The following TST variants were observed in gnomAD, a reference collection of about 807,000 sequenced individuals.
TST encodes the protein epididymis secretory sperm binding protein.
A neutral mutation model predicts 20.4 loss-of-function variants in TST; 22 were observed. The ratio of observed to expected loss-of-function variants is 1.08; its 90% CI spans 0.77 to 1.54. The LOEUF (loss-of-function observed/expected upper bound fraction) is 1.54, where lower values mean the gene tolerates loss of function less well. Ranked by LOEUF, TST falls within the 40% of genes most tolerant of loss-of-function variation. The probability of loss-of-function intolerance (pLI) is 0.00; values close to 1 mark genes in which losing one functional copy is unlikely to be tolerated. For missense variants in TST, 392 were observed against 405.2 expected, an observed-to-expected ratio of 0.97 and a Z score of 0.28; for synonymous variants, 187 against 173.8, an observed-to-expected ratio of 1.08 and a Z score of -0.60.
intron 2 of TST, among the ~76,000 whole-genome samples, chr22:37,011,857 T>G (rs1255157843): frequency 6.6e-6 from 1 of 152,202 alleles, no homozygotes; most frequent in Non-Finnish European, 1.5e-5. Context: ...TGTCCCCATT[T>G]TACAGATGAA....
chr22:37,019,940 C>A, upstream of TST: 2 of 761,528 alleles, frequency 2.6e-6, no homozygotes, highest in Non-Finnish European at 3.6e-6. Flanking sequence ...GGGTGCTCGG[C>A]GCGGGGCTCC....
intron 2 of TST, among the ~76,000 whole-genome samples, chr22:37,015,299 C>T (rs1922637111): frequency 1.3e-5 from 2 of 152,138 alleles, no homozygotes; most frequent in South Asian, 4.2e-4. Flanking sequence ...ATTAGCGGGT[C>T]GATACCCTCC....
chr22:37,014,098 T>C (rs1555936631), intron 2 of TST, among the ~76,000 whole-genome samples: 1 of 152,146 alleles, frequency 6.6e-6, no homozygotes, highest in East Asian at 1.9e-4. Context: ...GCGCGGTGGC[T>C]ACGCCTGTAA....
Position 37,018,598 on chromosome 22 carries a change from G to A in TST, c.135C>T (p.Arg45=), listed in dbSNP as rs1244535874. 1.5e-5 allele frequency: 24 copies of A among 1,564,730 alleles called. No homozygotes were observed. The highest frequency in any genetic ancestry group is 2.1e-5 in the Non-Finnish European group (24 of 1,155,102). Residue 45 remains arginine, a synonymous_variant, in exon 2 of 3, where the codon CGC becomes CGT. Coordinates refer to ENST00000249042, the MANE Select transcript of TST (RefSeq NM_003312.6). ...GTACGTGGCGCTCGAGGTACTCCTT[G>A]CGGGCCTCTCGGGTGCCTGGTGAGT... The part of the protein sequence containing the change: ...SWYSPGTREA[R]KEYLERHVPG...
chr22:37,018,718 C>T lies in TST; in HGVS notation c.15G>A (p.Val5=), dbSNP rs2044496857. The part of the protein sequence containing the change: MVHQ[V]LYRALVSTKW... ...TGGTGGAGACCAGCGCCCGGTAGAGCACCTGATGAACCATGGCTTCAGCTC... is the reference window on the plus strand; with the variant it reads ...TGGTGGAGACCAGCGCCCGGTAGAGTACCTGATGAACCATGGCTTCAGCTC... Residue 5 remains valine, a synonymous_variant, in exon 2 of 3, where the codon GTG becomes GTA. Transcript: ENST00000249042. The T allele has an allele frequency of 6.7e-7, 1 of 1,502,538 alleles. No homozygotes were observed. The highest frequency in any genetic ancestry group is 1.4e-5 in the African/African-American group (1 of 71,974). The allele number at this position is 1,502,538 out of a possible 1,614,324, so 93.1% of individuals were successfully genotyped here. A position where few individuals can be genotyped will look rare whatever the true frequency, so the allele number is the denominator to read the frequency against.
intron 2 of TST, among the ~76,000 whole-genome samples, chr22:37,017,867 G>A (rs1922743235): frequency 1.3e-5 from 2 of 152,164 alleles, no homozygotes; most frequent in Non-Finnish European, 2.9e-5. Flanking sequence ...TGGAGGTGGT[G>A]GACATGTCAC....
Position 37,018,153 on chromosome 22 carries a change from C to G in TST, c.580G>C (p.Glu194Gln). ...GGACACCTACCTACTGCATCCGGCT[C>G]CGGCTCGGTGCCCAGGAACCGCCCT... ...SQGRFLGTEP[E>Q]PDAVGLDSGH... The change falls in exon 2 of 3, where the codon GAG becomes CAG. Residue 194 changes from glutamate (E) to glutamine (Q), a missense_variant. Coordinates refer to ENST00000249042, the MANE Select transcript of TST (RefSeq NM_003312.6). 6.4e-7 allele frequency: 1 copy of G among 1,558,258 alleles called. No individual in the cohort carries two copies. The highest frequency in any genetic ancestry group is 8.7e-7 in the Non-Finnish European group (1 of 1,150,126).
chr22:37,015,091 T>C (rs1341604384), intron 2 of TST, among the ~76,000 whole-genome samples: 1 of 152,116 alleles, frequency 6.6e-6, no homozygotes, highest in African/African-American at 2.4e-5. Flanking sequence ...AGCAGTAGCC[T>C]TGGGAAACAG....
chr22:37,015,935 CTTTTTTTTTTTTTTT>C lies in TST; in HGVS notation c.595+2188_595+2202del, dbSNP rs1000783141. On this transcript the variant is annotated intron_variant, in intron 2 of 2. Transcript: ENST00000249042. ...TGAAATCCCTTTCCAGCCACTGCTACTTTTTTTTTTTTTTTTTTTTTTTTTTGAGACAGAGTCTTG... is the reference window on the plus strand; with the variant it reads ...TGAAATCCCTTTCCAGCCACTGCTACTTTTTTTTTTTGAGACAGAGTCTTG... Among the ~76,000 whole-genome samples the C allele has an allele frequency of 1.9e-4, 14 of 73,868 alleles. No homozygotes were observed. In the South Asian group the frequency reaches 4.0e-3, roughly 21 times the overall value. The allele number at this position is 73,868 out of a possible 152,430, so 48.5% of individuals were successfully genotyped here.
upstream of TST, chr22:37,019,483 G>A (rs1922879335): frequency 7.0e-6 from 1 of 142,102 alleles, no homozygotes; most frequent in Non-Finnish European, 1.5e-5. Flanking sequence ...CTCCCCAGGC[G>A]GCGCGCACCA....
intron 2 of TST, among the ~76,000 whole-genome samples, chr22:37,016,174 C>G (rs981581559): frequency 2.0e-5 from 3 of 151,728 alleles, no homozygotes; most frequent in Non-Finnish European, 4.4e-5. Context: ...CTCGAACTCC[C>G]GAGCTCATGA....
At position 37,011,117 on chromosome 22, in the gene TST, A is replaced by T. The variant is rs1441995348; in HGVS notation, c.804T>A (p.Asp268Glu). 5 of 1,613,662 alleles carry T rather than the reference A, an allele frequency of 3.1e-6. No individual in the cohort carries two copies. The Admixed American group carries it at 8.3e-5, about 27-fold the overall frequency. Residue 268 changes from aspartate to glutamate, a missense_variant, in exon 3 of 3, where the codon GAT becomes GAA. Transcript: ENST00000249042. ...ALAAYLCGKP[D>E]VAVYDGSWSE... The stretch of plus-strand genomic sequence containing the variant: ...ACCAGGAGCCATCGTACACGGCCAC[A>T]TCAGGCTTGCCGCAGAGGTAGGCAG...
At chr22:37,015,178 C>A (rs1922632111) in intron 2 of TST, among the ~76,000 whole-genome samples, 1 of 152,214 alleles carries the variant, frequency 6.6e-6, no homozygotes, top group Admixed American at 6.5e-5. Flanking sequence ...TCCTTGTCCC[C>A]ACCCACAAAG....
At chr22:37,014,079 T>A (rs1413740821) in intron 2 of TST, among the ~76,000 whole-genome samples, 2 of 60,694 alleles carry the variant, frequency 3.3e-5, no homozygotes, top group East Asian at 9.4e-4. Context: ...GAACAGCCAG[T>A]TTGGCCGGGC....
At position 37,018,395 on chromosome 22, in the gene TST, C is replaced by G; in HGVS notation, c.338G>C (p.Trp113Ser). ...HLGSFYAPRV[W>S]WMFRVFGHRT... Reference sequence around the variant, plus strand: ...GTGGCCAAACACACGGAACATCCACCAGACCCGGGGAGCATAGAAGCTGCC... The same window carrying G: ...GTGGCCAAACACACGGAACATCCACGAGACCCGGGGAGCATAGAAGCTGCC... The change falls in exon 2 of 3, where the codon TGG becomes TCG. Residue 113 changes from tryptophan to serine, a missense_variant. Physicochemically the swap from Trp to Ser is radical, Grantham distance 177 (BLOSUM62 -3). Transcript: ENST00000249042. 5 of 1,613,910 alleles carry G rather than the reference C, an allele frequency of 3.1e-6. No homozygotes were observed. Among genetic ancestry groups the G allele is most frequent in the South Asian group, 2.2e-5 (2 of 91,086 alleles).
chr22:37,012,638 GGA>G (rs1329350490), intron 2 of TST, among the ~76,000 whole-genome samples: 1 of 152,232 alleles, frequency 6.6e-6, no homozygotes, highest in Non-Finnish European at 1.5e-5. Context: ...CAGGGTGGCA[GGA>G]GTGGGAGGGG....
Position 37,018,264 on chromosome 22 carries a change from G to C in TST, c.469C>G (p.Leu157Val), listed in dbSNP as rs144791686. 1.2e-6 allele frequency: 2 copies of C among 1,614,004 alleles called. No homozygotes were observed. The highest frequency in any genetic ancestry group is 1.7e-6 in the Non-Finnish European group (2 of 1,180,044). Residue 157 changes from leucine (L) to valine (V), a missense_variant, in exon 2 of 3, where the codon CTG becomes GTG. Leu to Val is a conservative substitution (Grantham distance 32). Coordinates refer to ENST00000249042, the MANE Select transcript of TST (RefSeq NM_003312.6). ...TAGGTCTTGAGCAGGGAGCGGTCCA[G>C]TGTGGCTTTGAAGACGGCCGGTTCT... ...RPEPAVFKATLDRSLLKTYEQ... is the reference protein window; with the variant it reads ...RPEPAVFKATVDRSLLKTYEQ...
Position 37,018,371 on chromosome 22 carries a change from T to C in TST, c.362A>G (p.His121Arg). ...ACCATTGAGCACTGATACGGTGCGGTGGCCAAACACACGGAACATCCACCA... is the reference window on the plus strand; with the variant it reads ...ACCATTGAGCACTGATACGGTGCGGCGGCCAAACACACGGAACATCCACCA... ...RVWWMFRVFG[H>R]RTVSVLNGGF... Residue 121 changes from histidine to arginine, a missense_variant, in exon 2 of 3, where the codon CAC becomes CGC. His to Arg is a conservative substitution (Grantham distance 29). Transcript: ENST00000249042. 6.2e-7 allele frequency: 1 copy of C among 1,613,906 alleles called. No individual in the cohort carries two copies. Among genetic ancestry groups the C allele is most frequent in the Non-Finnish European group, 8.5e-7 (1 of 1,180,014 alleles).
intron 2 of TST, among the ~76,000 whole-genome samples, chr22:37,014,607 AT>A (rs944787836): frequency 5.2e-3 from 1 of 194 alleles, no homozygotes; most frequent in African/African-American, 0.023. Context: ...TTCTCTCAGC[AT>A]TGCTGGGGGA....
Sources: allele counts gnomAD v4.1 joint callset (sites outside exome capture counted in the v4.1 genomes callset), GRCh38; gene constraint gnomAD v4.1.1; transcripts MANE v1.5; gene names NCBI Gene and HGNC (gene_info 2026-07-23, HGNC 2026-07-21).